The following COL11A1 variants were observed in gnomAD, a reference collection of about 807,000 sequenced individuals.
COL11A1 encodes the protein collagen type XI alpha 1 chain.
In COL11A1, 74 loss-of-function variants were observed where a neutral mutation model predicts 265.2. The ratio of observed to expected loss-of-function variants is 0.28; its 90% CI spans 0.23 to 0.34. COL11A1 has a LOEUF of 0.34. COL11A1 is among the 10% of genes least tolerant of loss of function. The probability of loss-of-function intolerance (pLI) is 1.00; values close to 1 mark genes in which losing one functional copy is unlikely to be tolerated. For missense variants in COL11A1, 2,165 were observed against 2,263.6 expected (o/e 0.96, Z 0.88); for synonymous variants, 816 against 727.6 (o/e 1.12, Z -1.96).
chr1:102,897,264 A>T (rs889551654), intron 57 of COL11A1, among the ~76,000 whole-genome samples: 1 of 151,962 alleles, frequency 6.6e-6, no homozygotes, highest in African/African-American at 2.4e-5. Context: ...CTCTGAGATA[A>T]TTAATATATT....
rs769582767 is a variant in COL11A1, at chr1:103,105,673, T to C, written c.106+2400A>G. ...GTATGATGCTGGGATATAATATCTT[T>C]ATTTAGAAATTGGTATAAAATCTTA... On this transcript the variant is annotated intron_variant, in intron 1 of 66. Transcript: ENST00000370096. Among the ~76,000 whole-genome samples the C allele has an allele frequency of 1.7e-4, 26 of 152,292 alleles. 1 individual carries two copies. Among genetic ancestry groups the C allele is most frequent in the South Asian group, 1.0e-3 (5 of 4,828 alleles).
intron 63 of COL11A1, among the ~76,000 whole-genome samples, chr1:102,886,051 T>G (rs1020801952): frequency 5.9e-5 from 9 of 152,128 alleles, no homozygotes; most frequent in African/African-American, 2.2e-4. Context: ...TGCAAAACAA[T>G]ATTTTCTACA....
At chr1:102,913,616 T>A (rs778075124) in intron 53 of COL11A1, 21 bp downstream of exon 53, 38 of 1,609,994 alleles carry the variant, frequency 2.4e-5, no homozygotes, top group Non-Finnish European at 3.0e-5. Context: ...AACTTAAAAA[T>A]AAATTAGTGC....
At chr1:103,021,840 T>G in intron 8 of COL11A1, 71 bp from the exon 9 acceptor site, 1 of 793,936 alleles carries the variant, frequency 1.3e-6, no homozygotes. Flanking sequence ...CTTTTCTTCT[T>G]TTTTTTTTTC....
intron 1 of COL11A1, among the ~76,000 whole-genome samples, chr1:103,089,864 G>A (rs1673171809): frequency 1.3e-5 from 2 of 152,324 alleles, no homozygotes; most frequent in African/African-American, 2.4e-5. Context: ...GGTGGCCCAC[G>A]CCTGTAATCT....
chr1:103,090,556 C>T lies in COL11A1; in HGVS notation c.107-7584G>A, dbSNP rs140514471. ...AGTTTCCACAGTAAGAACTGCCCAA[C>T]AACTAATCCAAATTCAGTAGTTATT... On this transcript the variant is annotated intron_variant, in intron 1 of 66. Transcript: ENST00000370096. Among the ~76,000 whole-genome samples the T allele has an allele frequency of 5.1e-4, 77 of 152,274 alleles. 1 individual carries two copies. The highest frequency in any genetic ancestry group is 1.7e-3 in the African/African-American group (69 of 41,560).
At chr1:103,074,952 C>T (rs1317346743) in intron 3 of COL11A1, among the ~76,000 whole-genome samples, 172 bp from the exon 4 acceptor site, 1 of 151,960 alleles carries the variant, frequency 6.6e-6, no homozygotes. Flanking sequence ...TACTCGTTAC[C>T]CAACAGTACT....
chr1:102,974,948 G>A, intron 35 of COL11A1, 65 bp from the exon 36 acceptor site: 1 of 1,217,662 alleles, frequency 8.2e-7, no homozygotes, highest in Admixed American at 1.7e-5. Context: ...TTTATACTTT[G>A]AGGTTTATTT....
At position 103,001,961 on chromosome 1, in the gene COL11A1, A is replaced by C; in HGVS notation, c.2106T>G (p.Pro702=). The C allele has an allele frequency of 6.2e-7, 1 of 1,613,148 alleles. No individual in the cohort carries two copies. Among genetic ancestry groups the C allele is most frequent in the East Asian group, 2.2e-5 (1 of 44,844 alleles). Reference sequence around the variant, plus strand: ...GAGGACCAATTGGACCTTGTGGACCAGGAAGACCCTATTTTAAAAGAATTT... The same window carrying C: ...GAGGACCAATTGGACCTTGTGGACCCGGAAGACCCTATTTTAAAAGAATTT... ...QQGNPGPQGL[P]GPQGPIGPPG... Residue 702 remains proline, a synonymous_variant, in exon 24 of 67, where the codon CCT becomes CCG. Coordinates refer to ENST00000370096, the MANE Select transcript of COL11A1 (RefSeq NM_001854.4).
In COL11A1 at chr1:102,889,365, T is replaced by A. The variant is rs979230268; in HGVS notation, c.4464+90A>T. 5 of 884,974 alleles carry A rather than the reference T, an allele frequency of 5.6e-6. No individual in the cohort carries two copies. The East Asian group carries it at 1.2e-4, about 22-fold the overall frequency. 54.8% of individuals were successfully genotyped at this position (884,974 alleles called of 1,614,324 possible). Reference sequence around the variant, plus strand: ...AATTAAGACACTCTAAATTCTTTCTTTGATCATACTTAAAGGACTGTGTGT... The same window carrying A: ...AATTAAGACACTCTAAATTCTTTCTATGATCATACTTAAAGGACTGTGTGT... On this transcript the variant is annotated intron_variant, in intron 59 of 66. Coordinates refer to ENST00000370096, the MANE Select transcript of COL11A1 (RefSeq NM_001854.4).
chr1:102,902,765 GAA>G (rs1289690173), intron 54 of COL11A1, among the ~76,000 whole-genome samples: 9 of 151,174 alleles, frequency 6.0e-5, no homozygotes, highest in African/African-American at 2.2e-4. Context: ...CTTTGTAAAA[GAA>G]AATGTCTGAA....
At chr1:103,083,139 G>C (rs982959651) in intron 1 of COL11A1, among the ~76,000 whole-genome samples, 167 bp from the exon 2 acceptor site, 4 of 151,972 alleles carry the variant, frequency 2.6e-5, no homozygotes, top group African/African-American at 9.7e-5. Flanking sequence ...GCAGCAGGTA[G>C]TAATATAAAC....
At chr1:103,101,750 AAAAG>A (rs552193297) in intron 1 of COL11A1, among the ~76,000 whole-genome samples, 35 of 152,156 alleles carry the variant, frequency 2.3e-4, no homozygotes, top group South Asian at 8.3e-4. Flanking sequence ...AGAAAAAAAA[AAAAG>A]AAGATTTGAG....
At chr1:102,997,365 A>C (rs1280129067) in intron 25 of COL11A1, among the ~76,000 whole-genome samples, 1 of 152,016 alleles carries the variant, frequency 6.6e-6, no homozygotes, top group African/African-American at 2.4e-5. Context: ...AATGCATTTG[A>C]GAGAGCTTAG....
intron 26 of COL11A1, among the ~76,000 whole-genome samples, chr1:102,996,751 G>A (rs1664667253): frequency 6.6e-6 from 1 of 151,814 alleles, no homozygotes; most frequent in Non-Finnish European, 1.5e-5. Flanking sequence ...AAAGTAATAA[G>A]TAATAATAAA....
chr1:102,901,659 T>C (rs1446349081), intron 54 of COL11A1, among the ~76,000 whole-genome samples: 1 of 152,182 alleles, frequency 6.6e-6, no homozygotes, highest in African/African-American at 2.4e-5. Context: ...TATTGAAAAA[T>C]ACCTCATAAA....
In COL11A1 at chr1:102,899,074, C is replaced by T. The variant is rs570612953; in HGVS notation, c.4087-80G>A. 11 of 758,926 alleles carry T rather than the reference C, an allele frequency of 1.4e-5. No homozygotes were observed. The South Asian group carries it at 2.9e-4, about 20-fold the overall frequency. The allele number at this position is 758,926 out of a possible 1,614,324, so 47.0% of individuals were successfully genotyped here. A position where few individuals can be genotyped will look rare whatever the true frequency, so the allele number is the denominator to read the frequency against. On this transcript the variant is annotated intron_variant, in intron 54 of 66. Coordinates refer to ENST00000370096, the MANE Select transcript of COL11A1 (RefSeq NM_001854.4). Reference sequence around the variant, plus strand: ...TGAGCACTTGTTTACAAACACTAAACTTTAGTTTGTAACAGATGAATAAAT... The same window carrying T: ...TGAGCACTTGTTTACAAACACTAAATTTTAGTTTGTAACAGATGAATAAAT...
chr1:102,959,486 T>C (rs1458542124), intron 41 of COL11A1, among the ~76,000 whole-genome samples: 1 of 152,188 alleles, frequency 6.6e-6, no homozygotes, highest in Non-Finnish European at 1.5e-5. Flanking sequence ...TCCCCTTATT[T>C]ATATTCTCTT....
At chr1:102,894,394 T>C (rs1409907015) in intron 57 of COL11A1, among the ~76,000 whole-genome samples, 1 of 151,998 alleles carries the variant, frequency 6.6e-6, no homozygotes, top group Non-Finnish European at 1.5e-5. Context: ...ATTAGCCTGG[T>C]GCAGTGGCAC....
Sources: gnomAD v4.1 joint callset for allele counts (sites outside exome capture counted in the v4.1 genomes callset) on GRCh38, gnomAD v4.1.1 for gene constraint, MANE v1.5 for transcripts, NCBI Gene and HGNC (gene_info 2026-07-23, HGNC 2026-07-21) for gene names.